The following ENOSF1 variants were observed in gnomAD, a reference collection of about 807,000 sequenced individuals.
ENOSF1 encodes enolase superfamily member 1, also known as mitochondrial enolase superfamily member 1.
ENOSF1 carries 73 observed loss-of-function variants against 68.2 expected under a neutral mutation model. The observed-to-expected ratio is 1.07, with a 90% CI of 0.89 to 1.30. The LOEUF is 1.30. ENOSF1 is among the 50% of genes most tolerant of loss of function. The pLI is 0.00. For synonymous variants in ENOSF1, 223 were observed against 210.4 expected (o/e 1.06, Z -0.52); for missense variants, 589 against 554.5 (o/e 1.06, Z -0.62).
intron 7 of ENOSF1, 23 bp from the exon 8 acceptor site, chr18:690,654 A>T: frequency 6.2e-7 from 1 of 1,613,270 alleles, no homozygotes; most frequent in South Asian, 1.1e-5. Context: ...AGCGCCGTCA[A>T]CATTTTGCAC....
chr18:688,886 G>A (rs1262992557), intron 8 of ENOSF1, among the ~76,000 whole-genome samples: 1 of 152,128 alleles, frequency 6.6e-6, no homozygotes, highest in East Asian at 1.9e-4. Flanking sequence ...TCTTTTTAAA[G>A]CTAGAATATT....
chr18:669,926 C>T (rs960181286), downstream of ENOSF1, among the ~76,000 whole-genome samples: 1 of 151,946 alleles, frequency 6.6e-6, no homozygotes, highest in Non-Finnish European at 1.5e-5. Flanking sequence ...CACGCCATTG[C>T]ACTCCAGCCT....
Position 685,954 on chromosome 18 carries a change from G to A in ENOSF1, c.708C>T (p.Ile236=), listed in dbSNP as rs778396622. 1 of 1,613,980 alleles carries A rather than the reference G, an allele frequency of 6.2e-7. No individual in the cohort carries two copies. The highest frequency in any genetic ancestry group is 1.3e-5 in the African/African-American group (1 of 74,930). ...DLQDDMRRCQ[I]IRDMIGPEKT... is the part of the protein sequence containing the mutation. Reference sequence around the variant, plus strand: ...TTTCCGGTCCAATCATGTCTCGGATGATTTGGCATCTTCGCATGTCATCCT... The same window carrying A: ...TTTCCGGTCCAATCATGTCTCGGATAATTTGGCATCTTCGCATGTCATCCT... Residue 236 remains isoleucine, a synonymous_variant, in exon 10 of 16, where the codon ATC becomes ATT. Coordinates refer to ENST00000647584, the MANE Select transcript of ENOSF1 (RefSeq NM_017512.7).
Position 690,889 on chromosome 18 carries a change from A to T in ENOSF1, c.535+179T>A, listed in dbSNP as rs1041444040. Reference sequence around the variant, plus strand: ...TTCCTTTCAGCAGTGGCTGAAGCAAACTCTGCAGTCAGAGGTCATACCCAG... The same window carrying T: ...TTCCTTTCAGCAGTGGCTGAAGCAATCTCTGCAGTCAGAGGTCATACCCAG... On this transcript the variant is annotated intron_variant, in intron 7 of 15. Transcript: ENST00000647584. 26 of 1,239,844 alleles carry T rather than the reference A, an allele frequency of 2.1e-5. No homozygotes were observed. In the South Asian group the frequency reaches 3.6e-4, roughly 17 times the overall value. 76.8% of individuals were successfully genotyped at this position (1,239,844 alleles called of 1,614,324 possible). A position where few individuals can be genotyped will look rare whatever the true frequency, so the allele number is the denominator to read the frequency against.
chr18:700,719 T>C (rs2078249929), intron 2 of ENOSF1, among the ~76,000 whole-genome samples: 1 of 151,762 alleles, frequency 6.6e-6, no homozygotes, highest in Non-Finnish European at 1.5e-5. Context: ...ACCCTGTCTC[T>C]ACTAAAAATA....
At chr18:674,815 C>G (rs2075312253) in intron 15 of ENOSF1, among the ~76,000 whole-genome samples, 1 of 152,222 alleles carries the variant, frequency 6.6e-6, no homozygotes, top group African/African-American at 2.4e-5. Flanking sequence ...CCACCATGCC[C>G]AGCCCTGAAT....
intron 2 of ENOSF1, among the ~76,000 whole-genome samples, chr18:704,416 A>AGT (rs1415830989): frequency 1.6e-5 from 2 of 126,476 alleles, no homozygotes; most frequent in Non-Finnish European, 3.2e-5. Flanking sequence ...CAACAGAGCA[A>AGT]GACTCTTGTT....
At chr18:677,911 A>T in intron 12 of ENOSF1, 39 bp from the exon 13 acceptor site, 10 of 1,596,554 alleles carry the variant, frequency 6.3e-6, no homozygotes, top group Non-Finnish European at 8.5e-6. Flanking sequence ...CAGAAGAGTC[A>T]GCCTTGGCCT....
At chr18:667,251 TGATGGTGATGGA>T (rs1184303789), downstream of ENOSF1, among the ~76,000 whole-genome samples, 1 of 21,012 alleles carries the variant, frequency 4.8e-5, no homozygotes, top group Non-Finnish European at 8.2e-5. Context: ...ATGGTGATGG[TGATGGTGATGGA>T]GATGGTGATG....
At chr18:684,903 C>T (rs2076470240) in intron 10 of ENOSF1, among the ~76,000 whole-genome samples, 1 of 152,004 alleles carries the variant, frequency 6.6e-6, no homozygotes, top group Admixed American at 6.6e-5. Context: ...CTCTGTTGCC[C>T]ATGCTGGAGT....
At chr18:711,493 C>T (rs571918274) in intron 1 of ENOSF1, among the ~76,000 whole-genome samples, 1 of 152,280 alleles carries the variant, frequency 6.6e-6, no homozygotes, top group South Asian at 2.1e-4. Flanking sequence ...CATACTTTCA[C>T]ACATTCACTA....
At position 694,760 on chromosome 18, in the gene ENOSF1, AAG is replaced by A. The variant is rs774473298; in HGVS notation, c.310-428_310-427del. On this transcript the variant is annotated intron_variant, in intron 3 of 15. Transcript: ENST00000647584. ...AAAAAAAACAGTTGCTAACCTATTG[AAG>A]AGTTTTAAGAATAGCAGGAAAAACA... is the stretch of plus-strand genomic sequence containing the variant. Among the ~76,000 whole-genome samples the A allele has an allele frequency of 6.3e-4, 96 of 152,292 alleles. 1 individual carries two copies. Among genetic ancestry groups the A allele is most frequent in the African/African-American group, 2.2e-3 (92 of 41,570 alleles).
intron 11 of ENOSF1, among the ~76,000 whole-genome samples, chr18:682,371 A>G (rs2076158282): frequency 6.6e-6 from 1 of 152,170 alleles, no homozygotes. Context: ...ATCTAAACAT[A>G]CTTAAACATA....
intron 14 of ENOSF1, among the ~76,000 whole-genome samples, chr18:676,760 T>C (rs2075564294): frequency 6.6e-6 from 1 of 152,246 alleles, no homozygotes; most frequent in African/African-American, 2.4e-5. Context: ...AAGCCTCCTA[T>C]GTACCCTCAA....
chr18:668,245 A>G (rs909056742), downstream of ENOSF1, among the ~76,000 whole-genome samples: 1 of 148,458 alleles, frequency 6.7e-6, no homozygotes, highest in East Asian at 1.9e-4. Context: ...AAAATCTTTG[A>G]TGTTACCTTT....
chr18:677,843 G>A lies in ENOSF1; in HGVS notation c.948C>T (p.Leu316=). Residue 316 remains leucine (L), a synonymous_variant, in exon 13 of 16, where the codon CTC becomes CTT. Coordinates refer to ENST00000647584, the MANE Select transcript of ENOSF1 (RefSeq NM_017512.7). ...QCHNRVIFKQ[L]LQAKALQFLQ... ...GGAACTGCAGGGCCTTCGCCTGTAGGAGTTGCTTAAATATCACTCTATTGT... is the reference window on the plus strand; with the variant it reads ...GGAACTGCAGGGCCTTCGCCTGTAGAAGTTGCTTAAATATCACTCTATTGT... 6.2e-7 allele frequency: 1 copy of A among 1,614,004 alleles called. No individual in the cohort carries two copies. The highest frequency in any genetic ancestry group is 8.5e-7 in the Non-Finnish European group (1 of 1,180,004).
At chr18:690,344 G>A (rs1385389337) in intron 8 of ENOSF1, among the ~76,000 whole-genome samples, 4 of 152,188 alleles carry the variant, frequency 2.6e-5, no homozygotes, top group East Asian at 1.9e-4. Flanking sequence ...GCTAGTTCCA[G>A]GTATGTGCTG....
At chr18:690,685 T>C in intron 7 of ENOSF1, 54 bp from the exon 8 acceptor site, 1 of 1,211,772 alleles carries the variant, frequency 8.3e-7, no homozygotes. Context: ...CCTTCGGAAT[T>C]GGAAGTGCCT....
At position 683,395 on chromosome 18, in the gene ENOSF1, T is replaced by A; in HGVS notation, c.742-15A>T. 1 of 1,613,756 alleles carries A rather than the reference T, an allele frequency of 6.2e-7. No individual in the cohort carries two copies. Among genetic ancestry groups the A allele is most frequent in the Non-Finnish European group, 8.5e-7 (1 of 1,179,904 alleles). ...GCATCCATCATCTGCAAAAAGAGAC[T>A]CTTCACAGGGAGGTCAGCCCTGAGC... On this transcript the variant is annotated splice_polypyrimidine_tract_variant and intron_variant, in intron 10 of 15. Transcript: ENST00000647584.
Sources: allele counts gnomAD v4.1 joint callset (sites outside exome capture counted in the v4.1 genomes callset), GRCh38; gene constraint gnomAD v4.1.1; transcripts MANE v1.5; gene names NCBI Gene and HGNC (gene_info 2026-07-23, HGNC 2026-07-21).